BACH2: variants seen among roughly 807,000 people sequenced by gnomAD.
BACH2 encodes transcription regulator protein BACH2.
BACH2 carries 5 observed loss-of-function variants against 61.8 expected under a neutral mutation model. The observed-to-expected ratio is 0.08, with a 90% CI of 0.04 to 0.17. The LOEUF is 0.17. Among genes scored for constraint, BACH2 ranks in the 10% least tolerant of loss-of-function variants. BACH2 has a pLI of 1.00. For synonymous variants in BACH2, 446 were observed against 440.1 expected, an observed-to-expected ratio of 1.01 and a Z score of -0.17; for missense variants, 824 against 1,091.1, an observed-to-expected ratio of 0.76 and a Z score of 3.45.
At chr6:90,210,470 C>T (rs149695989) in intron 3 of BACH2, among the ~76,000 whole-genome samples, 1 of 152,116 alleles carries the variant, frequency 6.6e-6, no homozygotes, top group Non-Finnish European at 1.5e-5. Flanking sequence ...CTTGTTCTAT[C>T]AAGTACTTTC....
intron 6 of BACH2, among the ~76,000 whole-genome samples, chr6:89,966,764 A>C (rs1775068607): frequency 6.6e-6 from 1 of 152,242 alleles, no homozygotes; most frequent in Admixed American, 6.5e-5. Context: ...CCAGGGTTCC[A>C]GGCATATAAA....
intron 2 of BACH2, among the ~76,000 whole-genome samples, chr6:90,256,022 A>C (rs901752237): frequency 6.6e-6 from 1 of 152,198 alleles, no homozygotes; most frequent in African/African-American, 2.4e-5. Context: ...AAAACTATTC[A>C]GTTTTGAACC....
At chr6:90,113,003 A>G (rs574982248) in intron 4 of BACH2, among the ~76,000 whole-genome samples, 2 of 152,318 alleles carry the variant, frequency 1.3e-5, no homozygotes, top group South Asian at 4.1e-4. Context: ...CAAAAAAGAC[A>G]AGGAAGGGCA....
rs925458479 is a variant in BACH2, at chr6:89,965,537, T to C, written c.244-13675A>G. 1.7e-4 allele frequency among the ~76,000 whole-genome samples: 26 copies of C among 152,248 alleles called. 1 individual carries two copies. The highest frequency in any genetic ancestry group is 1.4e-3 in the Admixed American group (21 of 15,286). On this transcript the variant is annotated intron_variant, in intron 6 of 8. Coordinates refer to ENST00000257749, the MANE Select transcript of BACH2 (RefSeq NM_021813.4). The stretch of plus-strand genomic sequence containing the variant: ...TTCCTCCCCACTCCATCACTTTCAA[T>C]TGAAAGCATGTGCCTTGTACACCCT...
chr6:90,016,286 T>A (rs1582202401), intron 5 of BACH2, among the ~76,000 whole-genome samples: 1 of 152,350 alleles, frequency 6.6e-6, no homozygotes, highest in South Asian at 2.1e-4. Flanking sequence ...TTTGGCTAGG[T>A]TTAGATCTGC....
chr6:90,149,113 T>C (rs1432336139), intron 4 of BACH2, among the ~76,000 whole-genome samples: 2 of 152,166 alleles, frequency 1.3e-5, no homozygotes, highest in African/African-American at 2.4e-5. Flanking sequence ...GTGATGCGGA[T>C]GTATGATTTG....
chr6:89,973,226 C>T (rs1185888811), intron 6 of BACH2, among the ~76,000 whole-genome samples: 1 of 151,282 alleles, frequency 6.6e-6, no homozygotes, highest in African/African-American at 2.4e-5. Context: ...ACACTGAGAC[C>T]CCATCTCTAA....
intron 5 of BACH2, among the ~76,000 whole-genome samples, chr6:90,086,004 C>G (rs1781918459): frequency 6.6e-6 from 1 of 152,128 alleles, no homozygotes; most frequent in South Asian, 2.1e-4. Context: ...ATCCTCCCAT[C>G]CCCTGGCAAC....
intron 5 of BACH2, among the ~76,000 whole-genome samples, chr6:90,054,792 A>C (rs1037147987): frequency 1.3e-5 from 2 of 152,242 alleles, no homozygotes; most frequent in East Asian, 3.9e-4. Context: ...AGGAACCATC[A>C]GGCAGCAGCA....
At chr6:89,967,607 G>A (rs1384132569) in intron 6 of BACH2, among the ~76,000 whole-genome samples, 3 of 152,202 alleles carry the variant, frequency 2.0e-5, no homozygotes, top group East Asian at 1.9e-4. Flanking sequence ...CCAGAGAAGC[G>A]TAGCTTTGAA....
chr6:89,951,993 TGTA>T lies in BACH2; in HGVS notation c.244-134_244-132del. The T allele has an allele frequency of 9.4e-7, 1 of 1,064,684 alleles. No homozygotes were observed. 66.0% of individuals were successfully genotyped at this position (1,064,684 alleles called of 1,614,324 possible). A position where few individuals can be genotyped will look rare whatever the true frequency, so the allele number is the denominator to read the frequency against. On this transcript the variant is annotated intron_variant, in intron 6 of 8. Coordinates refer to ENST00000257749, the MANE Select transcript of BACH2 (RefSeq NM_021813.4). The surrounding 1 kb of genome is among the most constrained non-coding windows in gnomAD (Gnocchi z 6.4). ...AAGACTGCAAAGGGGCAGTTAATCT[TGTA>T]GTACTGGGTCAGCAATGATTCTGCT...
intron 4 of BACH2, among the ~76,000 whole-genome samples, chr6:90,093,240 T>C (rs561207855): frequency 5.8e-4 from 89 of 152,292 alleles, no homozygotes; most frequent in Middle Eastern, 6.8e-3. Context: ...TGTTTGTCTA[T>C]CAGTCTCAAA....
At chr6:90,103,031 T>TATATATATATATATATA (rs59852999) in intron 4 of BACH2, among the ~76,000 whole-genome samples, 1 of 29,226 alleles carries the variant, frequency 3.4e-5, no homozygotes, top group African/African-American at 1.5e-4. Context: ...ATATATATAT[T>TATATATATATATATATA]TTTTTTTTTT....
At chr6:90,189,312 C>T (rs999791804) in intron 4 of BACH2, among the ~76,000 whole-genome samples, 3 of 152,022 alleles carry the variant, frequency 2.0e-5, no homozygotes, top group Non-Finnish European at 4.4e-5. Flanking sequence ...GTTAACACTT[C>T]AAGAGTGGGC....
chr6:90,203,130 G>T (rs943145190), intron 4 of BACH2, among the ~76,000 whole-genome samples: 1 of 152,024 alleles, frequency 6.6e-6, no homozygotes, highest in Non-Finnish European at 1.5e-5. Flanking sequence ...TTAAATTTTG[G>T]CCAGGTGAGG....
At chr6:89,956,818 AAG>A (rs992846248) in intron 6 of BACH2, among the ~76,000 whole-genome samples, 2 of 152,208 alleles carry the variant, frequency 1.3e-5, no homozygotes, top group African/African-American at 2.4e-5. Context: ...CTACATGACT[AAG>A]GTGTCTCCAG....
chr6:90,046,618 G>A (rs1405752316), intron 5 of BACH2, among the ~76,000 whole-genome samples: 3 of 152,168 alleles, frequency 2.0e-5, no homozygotes, highest in East Asian at 3.9e-4. Context: ...AGCAGCATCC[G>A]ATTTTTCTGG....
intron 5 of BACH2, among the ~76,000 whole-genome samples, chr6:90,072,036 G>A (rs1230402984): frequency 6.6e-6 from 1 of 152,024 alleles, no homozygotes. Context: ...AGGCAGAAGA[G>A]GCAGGTACAC....
In BACH2 at chr6:90,016,600, T is replaced by G. The variant is rs150413779; in HGVS notation, c.-12-7744A>C. Among the ~76,000 whole-genome samples, 294 of 152,306 alleles carry G rather than the reference T, an allele frequency of 1.9e-3. 3 individuals are homozygous for G. The highest frequency in any genetic ancestry group is 2.2e-3 in the Non-Finnish European group (148 of 68,012). Reference sequence around the variant, plus strand: ...CTTCCTGGCCATTGTATTATACATTTTACTTGTTACTTGTTAAAACCCCTG... The same window carrying G: ...CTTCCTGGCCATTGTATTATACATTGTACTTGTTACTTGTTAAAACCCCTG... On this transcript the variant is annotated intron_variant, in intron 5 of 8. Transcript: ENST00000257749.
Sources: gnomAD v4.1 joint callset for allele counts (sites outside exome capture counted in the v4.1 genomes callset) on GRCh38, gnomAD v4.1.1 for gene constraint, Gnocchi (gnomAD v3.1) non-coding constraint, MANE v1.5 for transcripts, NCBI Gene and HGNC (gene_info 2026-07-23, HGNC 2026-07-21) for gene names.